The following CORO2B variants were observed in gnomAD, a reference collection of about 807,000 sequenced individuals.
The protein encoded by CORO2B is coronin 2B.
Under a neutral mutation model 58.8 loss-of-function variants are expected in CORO2B, and 26 were observed. The ratio of observed to expected loss-of-function variants is 0.44; its 90% CI spans 0.32 to 0.61. CORO2B has a LOEUF of 0.61. Ranked by LOEUF, CORO2B falls within the 20% of genes least tolerant of loss-of-function variation. The pLI is 0.04. For synonymous variants in CORO2B, 242 were observed against 253.8 expected (o/e 0.95, Z 0.44); for missense variants, 460 against 645.1 (o/e 0.71, Z 3.11).
chr15:68,641,816 C>G (rs1423326846), intron 1 of CORO2B, among the ~76,000 whole-genome samples: 1 of 151,942 alleles, frequency 6.6e-6, no homozygotes, highest in African/African-American at 2.4e-5. Context: ...CTCCACCTCC[C>G]AGGCTCAAGC....
At chr15:68,623,983 A>G (rs1900603516) in intron 1 of CORO2B, among the ~76,000 whole-genome samples, 1 of 152,052 alleles carries the variant, frequency 6.6e-6, no homozygotes, top group Admixed American at 6.6e-5. Flanking sequence ...AACCTCCAAC[A>G]AGAAGGAGGA....
intron 2 of CORO2B, among the ~76,000 whole-genome samples, chr15:68,675,385 A>G (rs1241929758): frequency 6.6e-6 from 1 of 152,094 alleles, no homozygotes; most frequent in Non-Finnish European, 1.5e-5. Flanking sequence ...CTCTTCCTCT[A>G]GCTCACCTTC....
At chr15:68,618,116 C>A (rs550680194) in intron 1 of CORO2B, among the ~76,000 whole-genome samples, 4 of 151,914 alleles carry the variant, frequency 2.6e-5, no homozygotes, top group Non-Finnish European at 5.9e-5. Context: ...TGTTGTGACC[C>A]AATACACACA....
intron 2 of CORO2B, among the ~76,000 whole-genome samples, chr15:68,685,774 A>ATT (rs1902950559): frequency 6.6e-6 from 1 of 151,438 alleles, no homozygotes; most frequent in Non-Finnish European, 1.5e-5. Context: ...TGATTGATTA[A>ATT]ACACTTTATT....
At chr15:68,519,754 A>G in the CORO2B span, among the ~76,000 whole-genome samples, 1 of 152,210 alleles carries the variant, frequency 6.6e-6, no homozygotes, top group African/African-American at 2.4e-5. Flanking sequence ...CTTAGGATAG[A>G]TACTTACATA....
intron 11 of CORO2B, 42 bp from the exon 12 acceptor site, chr15:68,725,801 T>TCTCCTGGGCC (rs1893281281): frequency 6.2e-7 from 1 of 1,608,306 alleles, no homozygotes; most frequent in African/African-American, 1.3e-5. Context: ...TCACCTGCTC[T>TCTCCTGGGCC]CTCCTGGGCC....
the CORO2B span, among the ~76,000 whole-genome samples, chr15:68,545,285 A>G: frequency 1.3e-5 from 2 of 151,910 alleles, no homozygotes; most frequent in Admixed American, 6.6e-5. Flanking sequence ...ATTTATTTTC[A>G]CTTTTTAATT....
intron 1 of CORO2B, among the ~76,000 whole-genome samples, chr15:68,637,178 C>T (rs936649579): frequency 1.1e-4 from 16 of 152,194 alleles, no homozygotes; most frequent in African/African-American, 2.4e-4. Context: ...GTCTGAGAGA[C>T]GCTATGCTGA....
At chr15:68,523,005 G>A in the CORO2B span, among the ~76,000 whole-genome samples, 1 of 151,988 alleles carries the variant, frequency 6.6e-6, no homozygotes, top group Non-Finnish European at 1.5e-5. Flanking sequence ...TTAGAGTAGG[G>A]GCTGTTTGTT....
In CORO2B at chr15:68,579,181, C is replaced by T. The variant is rs1009007049; in HGVS notation, c.-82C>T. 1.3e-5 allele frequency: 13 copies of T among 984,536 alleles called. No individual in the cohort carries two copies. The highest frequency in any genetic ancestry group is 3.6e-6 in the Non-Finnish European group (3 of 831,442). The allele number at this position is 984,536 out of a possible 1,614,324, so 61.0% of individuals were successfully genotyped here. ...GGGGAGCGAGCCGGGAGCTGCCGGA[C>T]CCCCTTCCGCCGCCGCCCCGGGCCG... is the stretch of plus-strand genomic sequence containing the variant. On this transcript the variant is annotated 5_prime_UTR_variant, in exon 1 of 12. Transcript: ENST00000261861.
chr15:68,549,953 AAAATAAATAAAT>A, the CORO2B span, among the ~76,000 whole-genome samples: 1,703 of 144,564 alleles, frequency 0.012, 45 homozygotes, highest in African/African-American at 0.041. Flanking sequence ...AAAATAAAAT[AAAATAAATAAAT>A]AAATAAATAA....
intron 11 of CORO2B, 55 bp from the exon 12 acceptor site, chr15:68,725,786 TTG>T: frequency 6.3e-7 from 1 of 1,599,074 alleles, no homozygotes; most frequent in African/African-American, 1.3e-5. Context: ...TGGGAAATCC[TTG>T]TCTCACCTGC....
chr15:68,553,913 G>A, the CORO2B span, among the ~76,000 whole-genome samples: 2 of 152,372 alleles, frequency 1.3e-5, no homozygotes, highest in Non-Finnish European at 2.9e-5. Context: ...GCCATTGAAG[G>A]TTATGAGCAG....
At chr15:68,529,703 T>C in the CORO2B span, among the ~76,000 whole-genome samples, 1 of 152,240 alleles carries the variant, frequency 6.6e-6, no homozygotes, top group Non-Finnish European at 1.5e-5. Context: ...TTCTCAATTG[T>C]ATGTAATTTG....
chr15:68,644,617 T>C lies in CORO2B; in HGVS notation c.16-543T>C, dbSNP rs11856689. ...TCCAGGACTCAGAGATTTCTGAGGG[T>C]GTACCTGTGGATTAGAAACACTAGA... is the stretch of plus-strand genomic sequence containing the variant. On this transcript the variant is annotated intron_variant, in intron 1 of 11. Coordinates refer to ENST00000261861, the MANE Select transcript of CORO2B (RefSeq NM_006091.5). Among the ~76,000 whole-genome samples the C allele has an allele frequency of 1.0e-2, 1,520 of 152,182 alleles. 25 individuals carry two copies. Among genetic ancestry groups the C allele is most frequent in the African/African-American group, 0.035 (1,453 of 41,508 alleles).
At chr15:68,630,629 C>T (rs376442381) in intron 1 of CORO2B, among the ~76,000 whole-genome samples, 11 of 152,128 alleles carry the variant, frequency 7.2e-5, no homozygotes, top group East Asian at 5.8e-4. Context: ...CTTTAGGCTG[C>T]GAGTAACAAA....
intron 3 of CORO2B, among the ~76,000 whole-genome samples, chr15:68,701,373 G>A (rs995511064): frequency 6.6e-5 from 10 of 151,358 alleles, no homozygotes; most frequent in African/African-American, 1.2e-4. Flanking sequence ...GTGCAGTGGC[G>A]CGATCTCCGC....
upstream of CORO2B, among the ~76,000 whole-genome samples, chr15:68,577,871 C>T (rs1595947918): frequency 6.6e-6 from 1 of 152,298 alleles, no homozygotes; most frequent in South Asian, 2.1e-4. Context: ...GCACTTTCCA[C>T]AGAGCAGGTG....
chr15:68,525,925 C>G, the CORO2B span, among the ~76,000 whole-genome samples: 1 of 152,214 alleles, frequency 6.6e-6, no homozygotes, highest in African/African-American at 2.4e-5. Flanking sequence ...ATCACTCTTA[C>G]AACCAGCTTA....
Sources: allele counts gnomAD v4.1 joint callset (sites outside exome capture counted in the v4.1 genomes callset), GRCh38; gene constraint gnomAD v4.1.1; transcripts MANE v1.5; gene names NCBI Gene and HGNC (gene_info 2026-07-23, HGNC 2026-07-21).